Variants in CNOT1 observed in about 807,000 individuals in gnomAD.
CNOT1 encodes CCR4-NOT transcription complex subunit 1, also known as CCR4-associated factor 1.
CNOT1 carries 15 observed loss-of-function variants against 273.8 expected under a neutral mutation model. The ratio of observed to expected loss-of-function variants is 0.05; its 90% CI spans 0.04 to 0.08. CNOT1 has a LOEUF of 0.08. Ranked by LOEUF, CNOT1 falls within the 10% of genes least tolerant of loss-of-function variation. CNOT1 has a pLI of 1.00. For synonymous variants in CNOT1, 1,022 were observed against 1,005.5 expected, an observed-to-expected ratio of 1.02 and a Z score of -0.31; for missense variants, 1,644 against 2,912.2, an observed-to-expected ratio of 0.56 and a Z score of 10.02.
chr16:58,577,553 T>C (rs971352594), intron 13 of CNOT1, among the ~76,000 whole-genome samples: 20 of 152,104 alleles, frequency 1.3e-4, no homozygotes, highest in Non-Finnish European at 1.8e-4. Context: ...ACTCCAAGTA[T>C]GGGTAAAGGA....
At chr16:58,564,052 C>G (rs745564140) in intron 16 of CNOT1, among the ~76,000 whole-genome samples, 1 of 152,142 alleles carries the variant, frequency 6.6e-6, no homozygotes, top group Non-Finnish European at 1.5e-5. Context: ...AGGAAGCTCT[C>G]TAATTGTATG....
intron 10 of CNOT1, 43 bp downstream of exon 10, chr16:58,582,750 A>G: frequency 8.7e-7 from 1 of 1,144,606 alleles, no homozygotes; most frequent in Non-Finnish European, 1.3e-6. Context: ...GGACTATATC[A>G]TTCAAATACC....
chr16:58,628,587 C>A (rs2043680851), intron 1 of CNOT1, among the ~76,000 whole-genome samples: 1 of 141,020 alleles, frequency 7.1e-6, no homozygotes, highest in African/African-American at 2.8e-5. Flanking sequence ...TATATTCACT[C>A]AATCACTGAC....
Position 58,587,407 on chromosome 16 carries a change from T to C in CNOT1, c.316A>G (p.Lys106Glu). 1 of 1,613,666 alleles carries C rather than the reference T, an allele frequency of 6.2e-7. No individual in the cohort carries two copies. Residue 106 changes from lysine (K) to glutamate (E), a missense_variant, in exon 5 of 49, where the codon AAG becomes GAG. Lys to Glu is a moderately conservative substitution (Grantham distance 56, BLOSUM62 1). Transcript: ENST00000317147. ...TGGGCAAATAAGTGGGGTGCAGGCT[T>C]TAAACTCTGAAACAAACCAAATTTT... ...DNPLHYQKSL[K>E]PAPHLFAQLS...
intron 1 of CNOT1, among the ~76,000 whole-genome samples, chr16:58,618,644 C>G (rs545389725): frequency 1.2e-3 from 161 of 135,126 alleles, no homozygotes; most frequent in African/African-American, 4.5e-3. Context: ...CAGAGAAACC[C>G]TGTCTCAAAA....
intron 42 of CNOT1, among the ~76,000 whole-genome samples, chr16:58,530,869 A>G (rs2039759480): frequency 6.6e-6 from 1 of 152,194 alleles, no homozygotes; most frequent in Non-Finnish European, 1.5e-5. Context: ...GTGGGAAATA[A>G]TATTTGAAAA....
intron 47 of CNOT1, among the ~76,000 whole-genome samples, chr16:58,522,049 G>C (rs112861354): frequency 8.6e-5 from 13 of 151,958 alleles, no homozygotes; most frequent in Non-Finnish European, 1.8e-4. Context: ...GCTGGGCACA[G>C]TGACTCACGC....
chr16:58,600,167 A>C (rs768680976), intron 1 of CNOT1, among the ~76,000 whole-genome samples: 20 of 151,784 alleles, frequency 1.3e-4, no homozygotes, highest in Non-Finnish European at 2.9e-4. Context: ...CAACATGGTG[A>C]AACCCCGTCT....
chr16:58,537,844 T>G, intron 38 of CNOT1, 47 bp downstream of exon 38: 1 of 1,607,006 alleles, frequency 6.2e-7, no homozygotes, highest in Non-Finnish European at 8.5e-7. Context: ...CTAAAGATAT[T>G]AGAAGACTAC....
At chr16:58,563,385 C>G (rs1981960) in intron 16 of CNOT1, among the ~76,000 whole-genome samples, 113,872 of 151,520 alleles carry the variant, frequency 0.75, 43,181 homozygotes, top group Middle Eastern at 0.86. Flanking sequence ...ATCTAGGTTT[C>G]TAACAGTATA....
intron 13 of CNOT1, among the ~76,000 whole-genome samples, chr16:58,577,195 C>A (rs1044078348): frequency 1.3e-5 from 2 of 151,962 alleles, no homozygotes; most frequent in African/African-American, 4.8e-5. Flanking sequence ...AACAGCAAGA[C>A]CACTACTATT....
intron 29 of CNOT1, among the ~76,000 whole-genome samples, chr16:58,545,773 T>G (rs899868200): frequency 5.4e-4 from 82 of 152,200 alleles, no homozygotes; most frequent in African/African-American, 1.8e-3. Flanking sequence ...TCCTATAAAC[T>G]TAGTCTATAT....
At chr16:58,555,184 G>A (rs2040591919) in intron 21 of CNOT1, 67 bp downstream of exon 21, 32 of 1,569,612 alleles carry the variant, frequency 2.0e-5, no homozygotes, top group Non-Finnish European at 2.4e-5. Flanking sequence ...CTCCAGCCTG[G>A]ATGAGAGTTA....
rs754635401 is a variant in CNOT1, at chr16:58,549,777, G to A, written c.3464C>T (p.Thr1155Met). ...CTTGTTAAATTCAGGATTCTTCAGC[G>A]TGTCAAGGAAGTTTGAATACAGGCT... ...FHSLYSNFLD[T>M]LKNPEFNKMV... Residue 1155 changes from threonine to methionine, a missense_variant, in exon 25 of 49, where the codon ACG becomes ATG. Coordinates refer to ENST00000317147, the MANE Select transcript of CNOT1 (RefSeq NM_016284.5). The A allele has an allele frequency of 9.3e-6, 15 of 1,613,622 alleles. No homozygotes were observed. The highest frequency in any genetic ancestry group is 5.5e-5 in the South Asian group (5 of 91,002).
intron 16 of CNOT1, among the ~76,000 whole-genome samples, chr16:58,572,462 C>T (rs1182261596): frequency 6.6e-6 from 1 of 151,920 alleles, no homozygotes; most frequent in Non-Finnish European, 1.5e-5. Flanking sequence ...CAGTGAAATC[C>T]TGTCTCTACA....
chr16:58,596,801 T>A (rs928102599), intron 2 of CNOT1, among the ~76,000 whole-genome samples: 10 of 137,670 alleles, frequency 7.3e-5, no homozygotes, highest in Admixed American at 4.4e-4. Flanking sequence ...GGCAGGAGAA[T>A]GGCGTGAACC....
At position 58,629,066 on chromosome 16, in the gene CNOT1, T is replaced by C. The variant is rs186761570; in HGVS notation, c.-175+662A>G. 5.9e-3 allele frequency among the ~76,000 whole-genome samples: 895 copies of C among 152,310 alleles called. 5 individuals are homozygous for C. Among genetic ancestry groups the C allele is most frequent in the Non-Finnish European group, 9.7e-3 (657 of 68,020 alleles). ...AGGTGGGGGCCAACTTCAAAGAAAG[T>C]GTGAGCGCCCAGGCGCGCGAGTGGA... is the stretch of plus-strand genomic sequence containing the variant. On this transcript the variant is annotated intron_variant, in intron 1 of 48. Transcript: ENST00000317147.
At chr16:58,585,588 C>G (rs2041807223) in intron 7 of CNOT1, 82 bp from the exon 8 acceptor site, 1 of 1,508,466 alleles carries the variant, frequency 6.6e-7, no homozygotes, top group Non-Finnish European at 8.8e-7. Flanking sequence ...TCCCCTCAAA[C>G]CCAATTCTCT....
chr16:58,528,781 G>A, intron 43 of CNOT1, 133 bp from the exon 44 acceptor site: 1 of 581,464 alleles, frequency 1.7e-6, no homozygotes, highest in Non-Finnish European at 2.9e-6. Flanking sequence ...AAAAGTTTTA[G>A]GCTTTAATTA....
Sources: gnomAD v4.1 joint callset for allele counts (sites outside exome capture counted in the v4.1 genomes callset) on GRCh38, gnomAD v4.1.1 for gene constraint, MANE v1.5 for transcripts, NCBI Gene and HGNC (gene_info 2026-07-23, HGNC 2026-07-21) for gene names.